The following SRPK2 variants were observed in gnomAD, a reference collection of about 807,000 sequenced individuals.
SRPK2 encodes the protein SRSF protein kinase 2, also known as SFRS protein kinase 2.
In SRPK2, 21 loss-of-function variants were observed where a neutral mutation model predicts 90.8. The ratio of observed to expected loss-of-function variants is 0.23; its 90% CI spans 0.16 to 0.33. The LOEUF (loss-of-function observed/expected upper bound fraction) is 0.33. SRPK2 is among the 10% of genes least tolerant of loss of function. SRPK2 has a pLI of 1.00. For synonymous variants in SRPK2, 288 were observed against 311.1 expected, an observed-to-expected ratio of 0.93 and a Z score of 0.78; for missense variants, 620 against 869.0, an observed-to-expected ratio of 0.71 and a Z score of 3.60.
intron 2 of SRPK2, among the ~76,000 whole-genome samples, chr7:105,351,461 C>T (rs986916246): frequency 2.0e-5 from 3 of 151,596 alleles, no homozygotes; most frequent in Admixed American, 6.6e-5. Context: ...AGTTTGAGAC[C>T]ACCCTAGGTG....
intron 2 of SRPK2, among the ~76,000 whole-genome samples, chr7:105,354,440 C>T (rs116404234): frequency 0.014 from 2,156 of 152,300 alleles, 29 homozygotes; most frequent in African/African-American, 0.036. Context: ...TAGTAGCCCA[C>T]AGTCCTGGCC....
intron 7 of SRPK2, 51 bp from the exon 8 acceptor site, chr7:105,146,709 A>G (rs748101793): frequency 5.2e-6 from 8 of 1,551,662 alleles, no homozygotes; most frequent in East Asian, 4.6e-5. Context: ...ATCTCATTAT[A>G]TAACTTTTAT....
chr7:105,203,522 C>G, intron 3 of SRPK2, 106 bp downstream of exon 3: 5 of 1,284,246 alleles, frequency 3.9e-6, no homozygotes, highest in Non-Finnish European at 4.1e-6. Flanking sequence ...TAATGAAGAC[C>G]AAGCAATTTG....
intron 6 of SRPK2, among the ~76,000 whole-genome samples, chr7:105,161,614 T>C (rs1807673418): frequency 6.6e-6 from 1 of 152,148 alleles, no homozygotes; most frequent in South Asian, 2.1e-4. Context: ...GAAATCAGCC[T>C]GATGAAACAG....
chr7:105,156,071 A>T (rs1251008349), intron 7 of SRPK2, among the ~76,000 whole-genome samples: 1 of 152,196 alleles, frequency 6.6e-6, no homozygotes, highest in African/African-American at 2.4e-5. Flanking sequence ...GATGATAGAA[A>T]ATCTTAAACA....
chr7:105,388,592 G>A (rs1414996471), intron 2 of SRPK2, 56 bp downstream of exon 2: 8 of 1,501,058 alleles, frequency 5.3e-6, no homozygotes, highest in Non-Finnish European at 6.3e-6. Flanking sequence ...GCGCGGCCGC[G>A]GGCGCCCCCG....
intron 3 of SRPK2, among the ~76,000 whole-genome samples, chr7:105,175,343 C>G (rs1051490312): frequency 1.3e-5 from 2 of 149,636 alleles, no homozygotes; most frequent in Non-Finnish European, 3.0e-5. Context: ...AAAATGAAAA[C>G]TTAATATATC....
At chr7:105,395,441 TAA>T (rs1822294780) in intron 1 of SRPK2, among the ~76,000 whole-genome samples, 3 of 151,400 alleles carry the variant, frequency 2.0e-5, no homozygotes, top group East Asian at 2.0e-4. Context: ...TTAAAGAACT[TAA>T]AGCTGGCTGG....
chr7:105,324,612 A>G (rs1392441809), intron 2 of SRPK2, among the ~76,000 whole-genome samples: 1 of 152,214 alleles, frequency 6.6e-6, no homozygotes, highest in Non-Finnish European at 1.5e-5. Flanking sequence ...TATGCCTGGC[A>G]CTGTCAATAT....
intron 2 of SRPK2, among the ~76,000 whole-genome samples, chr7:105,250,518 G>T (rs1280594113): frequency 6.6e-6 from 1 of 152,084 alleles, no homozygotes; most frequent in East Asian, 1.9e-4. Flanking sequence ...AGATATACAG[G>T]TTTTCCCTTA....
chr7:105,385,171 A>AGCAGCCC (rs1821401293), intron 2 of SRPK2, among the ~76,000 whole-genome samples: 21 of 49,628 alleles, frequency 4.2e-4, no homozygotes, highest in African/African-American at 1.5e-3. Context: ...CGCGCCCGGC[A>AGCAGCCC]TTTTTTTTTT....
chr7:105,170,999 A>AAGAAAGAAAG (rs1791040555), intron 3 of SRPK2, among the ~76,000 whole-genome samples: 6 of 130,158 alleles, frequency 4.6e-5, no homozygotes, highest in African/African-American at 1.6e-4. Flanking sequence ...AAGAAAGAGA[A>AAGAAAGAAAG]AGAAAGAAAG....
At chr7:105,167,865 C>A in intron 5 of SRPK2, 143 bp downstream of exon 5, 1 of 637,206 alleles carries the variant, frequency 1.6e-6, no homozygotes, top group South Asian at 2.2e-5. Flanking sequence ...CTCGCTTTGG[C>A]CTCCCAAAGT....
chr7:105,376,358 TCAGAG>T (rs1820298110), intron 2 of SRPK2, among the ~76,000 whole-genome samples: 2 of 150,982 alleles, frequency 1.3e-5, no homozygotes, highest in Admixed American at 6.6e-5. Context: ...ATTCTTCATC[TCAGAG>T]CAAAGAGTTG....
chr7:105,155,477 A>G (rs1360906566), intron 7 of SRPK2, among the ~76,000 whole-genome samples: 3 of 152,224 alleles, frequency 2.0e-5, no homozygotes, highest in Admixed American at 2.0e-4. Context: ...AGTGGTTCTC[A>G]GTGAGAGGAA....
intron 2 of SRPK2, among the ~76,000 whole-genome samples, chr7:105,279,149 C>G (rs1446293863): frequency 6.6e-6 from 1 of 152,016 alleles, no homozygotes. Context: ...AACACAGTGC[C>G]CACAGACTAT....
At chr7:105,312,631 T>C (rs1240810198) in intron 2 of SRPK2, among the ~76,000 whole-genome samples, 1 of 152,128 alleles carries the variant, frequency 6.6e-6, no homozygotes, top group Non-Finnish European at 1.5e-5. Flanking sequence ...TATCAACAAA[T>C]ATAATAAAAC....
chr7:105,171,499 A>G (rs912516095), intron 3 of SRPK2, among the ~76,000 whole-genome samples: 7 of 152,376 alleles, frequency 4.6e-5, no homozygotes, highest in African/African-American at 1.7e-4. Context: ...CTTACAAATT[A>G]CTCAATAAAG....
chr7:105,358,442 T>C (rs746785609), intron 2 of SRPK2, among the ~76,000 whole-genome samples: 3 of 152,032 alleles, frequency 2.0e-5, no homozygotes, highest in Non-Finnish European at 4.4e-5. Flanking sequence ...TCCCAGCACT[T>C]TGGAAGGCTG....
Sources: allele counts gnomAD v4.1 joint callset (sites outside exome capture counted in the v4.1 genomes callset), GRCh38; gene constraint gnomAD v4.1.1; transcripts MANE v1.5; gene names NCBI Gene and HGNC (gene_info 2026-07-23, HGNC 2026-07-21).